PIK3C2A: variants seen among roughly 807,000 people sequenced by gnomAD.
PIK3C2A encodes the protein phosphatidylinositol-4-phosphate 3-kinase catalytic subunit type 2 alpha.
PIK3C2A carries 97 observed loss-of-function variants against 204.5 expected under a neutral mutation model. The ratio of observed to expected loss-of-function variants is 0.47; its 90% CI spans 0.40 to 0.56. PIK3C2A has a LOEUF of 0.56. Ranked by LOEUF, PIK3C2A falls within the 20% of genes least tolerant of loss-of-function variation. PIK3C2A has a pLI of 0.00. For synonymous variants in PIK3C2A, 653 were observed against 664.4 expected (o/e 0.98, Z 0.26); for missense variants, 1,735 against 1,969.2 (o/e 0.88, Z 2.25).
At position 17,092,193 on chromosome 11, in the gene PIK3C2A, T is replaced by C; in HGVS notation, c.4535A>G (p.Gln1512Arg). 6.2e-7 allele frequency: 1 copy of C among 1,604,370 alleles called. No individual in the cohort carries two copies. The highest frequency in any genetic ancestry group is 1.1e-5 in the South Asian group (1 of 90,892). The change falls in exon 29 of 33, where the codon CAG becomes CGG. Residue 1512 changes from glutamine (Q) to arginine (R), a missense_variant. By Grantham distance (43) the Gln-to-Arg change is conservative (BLOSUM62 1). Coordinates refer to ENST00000691414, the MANE Select transcript of PIK3C2A (RefSeq NM_002645.4). ...ATCCGTTGAAGCATTCATCAAACTCTGTAAGTAACTGTTTAACTCAATTTT... is the reference window on the plus strand; with the variant it reads ...ATCCGTTGAAGCATTCATCAAACTCCGTAAGTAACTGTTTAACTCAATTTT... ...KRKIELNSYL[Q>R]SLMNASTDVA...
intron 1 of PIK3C2A, among the ~76,000 whole-genome samples, chr11:17,178,822 C>T (rs1490704886): frequency 1.3e-5 from 2 of 148,944 alleles, no homozygotes; most frequent in Admixed American, 1.4e-4. Context: ...CTCCGCTTCC[C>T]GGGTTCACGC....
intron 4 of PIK3C2A, among the ~76,000 whole-genome samples, chr11:17,149,153 T>C (rs577176355): frequency 1.8e-4 from 27 of 152,274 alleles, no homozygotes; most frequent in South Asian, 4.1e-4. Context: ...GTACAGCATA[T>C]ATTTACATAG....
At chr11:17,126,192 TAAAGG>T (rs1849516669) in intron 13 of PIK3C2A, among the ~76,000 whole-genome samples, 1 of 152,100 alleles carries the variant, frequency 6.6e-6, no homozygotes, top group Admixed American at 6.6e-5. Context: ...GAAATAACTG[TAAAGG>T]AAAGACAGGT....
chr11:17,187,673 GGA>G, intron 1 of PIK3C2A, among the ~76,000 whole-genome samples: 1 of 152,264 alleles, frequency 6.6e-6, no homozygotes. Flanking sequence ...AAGGGAACTA[GGA>G]GAGAGAGGTA....
intron 24 of PIK3C2A, among the ~76,000 whole-genome samples, chr11:17,101,696 T>C (rs922510138): frequency 2.0e-4 from 31 of 151,554 alleles, no homozygotes; most frequent in South Asian, 1.5e-3. Flanking sequence ...CTCCGCCTCC[T>C]GGGTTCATGA....
intron 8 of PIK3C2A, among the ~76,000 whole-genome samples, chr11:17,143,138 T>C (rs1041765870): frequency 5.3e-5 from 8 of 152,174 alleles, no homozygotes; most frequent in Non-Finnish European, 5.9e-5. Flanking sequence ...ACCAGAGATA[T>C]TCAGTGAATA....
chr11:17,090,217 C>T (rs1848264721), intron 32 of PIK3C2A, among the ~76,000 whole-genome samples: 1 of 152,174 alleles, frequency 6.6e-6, no homozygotes, highest in East Asian at 1.9e-4. Context: ...GCCTGTAATC[C>T]CAGCACTTTG....
chr11:17,207,319 C>T lies in PIK3C2A; in HGVS notation c.-66+529G>A, dbSNP rs558956889. On this transcript the variant is annotated intron_variant, in intron 1 of 32. Coordinates refer to ENST00000691414, the MANE Select transcript of PIK3C2A (RefSeq NM_002645.4). ...AGTGGATTCGCGGCTAAAGGCAACG[C>T]GGTGGGAGTGGGGGGTCCGGGAAGA... 8.5e-5 allele frequency among the ~76,000 whole-genome samples: 13 copies of T among 152,196 alleles called. No individual in the cohort carries two copies. In the South Asian group the frequency reaches 2.7e-3, roughly 32 times the overall value.
At chr11:17,101,888 C>G (rs941371447) in intron 24 of PIK3C2A, among the ~76,000 whole-genome samples, 2 of 151,900 alleles carry the variant, frequency 1.3e-5, no homozygotes, top group Non-Finnish European at 2.9e-5. Flanking sequence ...CAGGCGTGAG[C>G]CACTGCACCC....
chr11:17,205,162 G>C (rs1852522559), intron 1 of PIK3C2A, among the ~76,000 whole-genome samples: 1 of 151,672 alleles, frequency 6.6e-6, no homozygotes, highest in Non-Finnish European at 1.5e-5. Context: ...GGGTGACGGA[G>C]TGAGACTGTC....
chr11:17,133,761 C>CT (rs1340540849), intron 11 of PIK3C2A, among the ~76,000 whole-genome samples: 4 of 151,966 alleles, frequency 2.6e-5, no homozygotes, highest in Non-Finnish European at 5.9e-5. Flanking sequence ...AATCTCGTCT[C>CT]TACTAAAAAT....
At chr11:17,104,927 T>C (rs777525352) in intron 23 of PIK3C2A, among the ~76,000 whole-genome samples, 12 of 152,102 alleles carry the variant, frequency 7.9e-5, no homozygotes, top group Non-Finnish European at 1.5e-4. Flanking sequence ...GCCTCTGTTT[T>C]GCTGGCCTCT....
chr11:17,205,700 T>C lies in PIK3C2A; in HGVS notation c.-66+2148A>G, dbSNP rs371112394. Among the ~76,000 whole-genome samples the C allele has an allele frequency of 1.2e-4, 18 of 152,284 alleles. No homozygotes were observed. In the South Asian group the frequency reaches 3.5e-3, roughly 30 times the overall value. On this transcript the variant is annotated intron_variant, in intron 1 of 32. Transcript: ENST00000691414. ...GACATGGGAATTAATGCAAGCAATC[T>C]TCAATTAATTGAAAATTTTAGAACT...
chr11:17,155,640 A>G lies in PIK3C2A; in HGVS notation c.1066-11T>C. The stretch of plus-strand genomic sequence containing the variant: ...CCCATTTGGGTCTTTCTGTAATTAA[A>G]AAAGTGTTTTTATTTTAAAAGTGGA... On this transcript the variant is annotated splice_polypyrimidine_tract_variant and intron_variant, in intron 2 of 32. Transcript: ENST00000691414. 6.6e-7 allele frequency: 1 copy of G among 1,512,544 alleles called. No individual in the cohort carries two copies. The highest frequency in any genetic ancestry group is 9.2e-7 in the Non-Finnish European group (1 of 1,091,316). 93.7% of individuals were successfully genotyped at this position (1,512,544 alleles called of 1,614,324 possible).
intron 2 of PIK3C2A, 110 bp downstream of exon 2, chr11:17,168,567 C>T (rs1296337957): frequency 1.2e-5 from 9 of 779,946 alleles, no homozygotes; most frequent in African/African-American, 1.8e-5. Context: ...GGCGACAGAG[C>T]GAGACTCCTT....
rs540683235 is a variant in PIK3C2A at position 17,122,313 on chromosome 11, T to C, written c.2532A>G (p.Ala844=). 3.9e-6 allele frequency: 6 copies of C among 1,548,976 alleles called. No individual in the cohort carries two copies. The highest frequency in any genetic ancestry group is 2.3e-5 in the East Asian group (1 of 44,242). Residue 844 remains alanine, a synonymous_variant, in exon 15 of 33, where the codon GCA becomes GCG. Transcript: ENST00000691414. ...GAGGAGTTGTATAAATAATATCAAA[T>C]GCAGGAGAAGGAAAATCAACCTTTA... is the stretch of plus-strand genomic sequence containing the variant. ...IVLQVDFPSP[A]FDIIYTTPQV...
intron 1 of PIK3C2A, among the ~76,000 whole-genome samples, chr11:17,200,969 G>A (rs2137582181): frequency 6.6e-6 from 1 of 152,230 alleles, no homozygotes; most frequent in South Asian, 2.1e-4. Flanking sequence ...ACTTTAGGAG[G>A]CAGATGTGGG....
chr11:17,150,516 C>A lies in PIK3C2A; in HGVS notation c.1309G>T (p.Val437Phe). 1 of 1,606,148 alleles carries A rather than the reference C, an allele frequency of 6.2e-7. No individual in the cohort carries two copies. Among genetic ancestry groups the A allele is most frequent in the African/African-American group, 1.3e-5 (1 of 74,250 alleles). ...AACCTACCATCACACGTAAAAGTAACTGGTAGCTGAAATCCTTCAATGTCA... is the reference window on the plus strand; with the variant it reads ...AACCTACCATCACACGTAAAAGTAAATGGTAGCTGAAATCCTTCAATGTCA... ...SIDIEGFQLP[V>F]TFTCDVSSTV... The change falls in exon 4 of 33, where the codon GTT becomes TTT. Residue 437 changes from valine (V) to phenylalanine (F), a missense_variant. Physicochemically the swap from Val to Phe is conservative, Grantham distance 50 (BLOSUM62 -1). This residue lies in a region of PIK3C2A where 536 missense variants were observed against 546.7 expected (regional missense o/e 0.98). Coordinates refer to ENST00000691414, the MANE Select transcript of PIK3C2A (RefSeq NM_002645.4).
chr11:17,132,480 C>A (rs1277139599), intron 11 of PIK3C2A, among the ~76,000 whole-genome samples: 1 of 151,240 alleles, frequency 6.6e-6, no homozygotes, highest in Admixed American at 6.6e-5. Context: ...CAGGCGCCCG[C>A]CACCGCGCCC....
Sources: gnomAD v4.1 joint callset for allele counts (sites outside exome capture counted in the v4.1 genomes callset) on GRCh38, gnomAD v4.1.1 for gene constraint, gnomAD v4.1.1 regional missense constraint, MANE v1.5 for transcripts, NCBI Gene and HGNC (gene_info 2026-07-23, HGNC 2026-07-21) for gene names.